ASXL1: variants seen among roughly 807,000 people sequenced by gnomAD.
ASXL1 encodes polycomb group protein ASXL1.
In ASXL1, 65 loss-of-function variants were observed where a neutral mutation model predicts 89.1. The ratio of observed to expected loss-of-function variants is 0.73; its 90% CI spans 0.60 to 0.90. ASXL1 has a LOEUF of 0.90. ASXL1 is among the 40% of genes least tolerant of loss of function. The pLI is 0.00. For synonymous variants in ASXL1, 739 were observed against 746.9 expected (o/e 0.99, Z 0.17); for missense variants, 1,786 against 1,942.9 (o/e 0.92, Z 1.52).
chr20:32,428,318 C>G lies in ASXL1; in HGVS notation c.374-7C>G. 1 of 1,614,194 alleles carries G rather than the reference C, an allele frequency of 6.2e-7. No individual in the cohort carries two copies. The highest frequency in any genetic ancestry group is 8.5e-7 in the Non-Finnish European group (1 of 1,180,032). Reference sequence around the variant, plus strand: ...TAGGGACTAACCTTTATTTTCCTCTCTTCCAGTATCTCTTGATGAAACATC... The same window carrying G: ...TAGGGACTAACCTTTATTTTCCTCTGTTCCAGTATCTCTTGATGAAACATC... On this transcript the variant is annotated splice_polypyrimidine_tract_variant and splice_region_variant and intron_variant, in intron 5 of 12. Coordinates refer to ENST00000375687, the MANE Select transcript of ASXL1 (RefSeq NM_015338.6).
intron 1 of ASXL1, chr20:32,359,823 A>G (rs2048080001): frequency 1.4e-6 from 1 of 717,732 alleles, no homozygotes; most frequent in Non-Finnish European, 2.6e-6. Flanking sequence ...TTACTCCCAC[A>G]AAGCTCAGAC....
chr20:32,431,547 A>G (rs768517429), intron 9 of ASXL1, 36 bp from the exon 10 acceptor site: 62 of 1,613,602 alleles, frequency 3.8e-5, no homozygotes, highest in Admixed American at 3.3e-4. Context: ...TTTTAAGTTT[A>G]TTTATTAGGA....
In ASXL1 at chr20:32,437,767, G is replaced by A; in HGVS notation, c.*429G>A. 1 of 286,152 alleles carries A rather than the reference G, an allele frequency of 3.5e-6. No homozygotes were observed. Among genetic ancestry groups the A allele is most frequent in the Non-Finnish European group, 6.6e-6 (1 of 150,554 alleles). The allele number at this position is 286,152 out of a possible 1,614,324, so 17.7% of individuals were successfully genotyped here. ...TGCCATCTTTTCTTCTGCTACTTTG[G>A]GGAGTTGATGGCCAGGAAAGAAGCC... On this transcript the variant is annotated 3_prime_UTR_variant, in exon 13 of 13. Transcript: ENST00000375687.
At chr20:32,372,980 TTGCCCAGGC>T (rs1410660817) in intron 4 of ASXL1, among the ~76,000 whole-genome samples, 4 of 150,734 alleles carry the variant, frequency 2.7e-5, no homozygotes, top group African/African-American at 9.8e-5. Context: ...TCTCGCTTTG[TTGCCCAGGC>T]TGGTCTTGAA....
Position 32,433,805 on chromosome 20 carries a change from C to T in ASXL1, c.1607C>T (p.Pro536Leu), listed in dbSNP as rs1247116484. The T allele has an allele frequency of 6.2e-7, 1 of 1,614,066 alleles. No homozygotes were observed. The highest frequency in any genetic ancestry group is 1.3e-5 in the African/African-American group (1 of 74,936). ...GAGCAGGCGGCCTCTGCATCCTTTCCCGAAAAGAAGCCCCGGCTTGAAGAT... is the reference window on the plus strand; with the variant it reads ...GAGCAGGCGGCCTCTGCATCCTTTCTCGAAAAGAAGCCCCGGCTTGAAGAT... ...SFEQAASASF[P>L]EKKPRLEDRQ... is the part of the protein sequence containing the mutation. Residue 536 changes from proline (P) to leucine (L), a missense_variant, in exon 12 of 13, where the codon CCC becomes CTC. Around this residue, in one of 3 missense-constraint regions of ASXL1, gnomAD observed 1,418 missense variants for 1,427.8 expected, o/e 0.99. Coordinates refer to ENST00000375687, the MANE Select transcript of ASXL1 (RefSeq NM_015338.6).
intron 4 of ASXL1, among the ~76,000 whole-genome samples, chr20:32,414,328 T>C (rs569510405): frequency 6.6e-6 from 1 of 152,062 alleles, no homozygotes; most frequent in East Asian, 1.9e-4. Context: ...TTTTAATCAG[T>C]TCTCTAGGAG....
chr20:32,380,111 A>G (rs1037774262), intron 4 of ASXL1, among the ~76,000 whole-genome samples: 4 of 151,648 alleles, frequency 2.6e-5, no homozygotes, highest in Non-Finnish European at 4.4e-5. Context: ...GTGAAACTCC[A>G]TCTCTACTAA....
chr20:32,425,650 T>G (rs2011255112), intron 4 of ASXL1, among the ~76,000 whole-genome samples: 1 of 152,134 alleles, frequency 6.6e-6, no homozygotes, highest in African/African-American at 2.4e-5. Flanking sequence ...AGTGCCTAAT[T>G]CACATCTTTT....
At chr20:32,373,402 C>G (rs1016375435) in intron 4 of ASXL1, among the ~76,000 whole-genome samples, 2 of 151,792 alleles carry the variant, frequency 1.3e-5, no homozygotes, top group African/African-American at 4.8e-5. Flanking sequence ...TGAAATTGTC[C>G]CTAGATTTGC....
intron 4 of ASXL1, among the ~76,000 whole-genome samples, chr20:32,375,130 C>T (rs534464119): frequency 6.6e-5 from 10 of 152,182 alleles, no homozygotes; most frequent in South Asian, 6.2e-4. Context: ...CATAAGCCAC[C>T]GTGCCCAGCC....
chr20:32,397,237 C>T (rs1323976895), intron 4 of ASXL1, among the ~76,000 whole-genome samples: 2 of 47,966 alleles, frequency 4.2e-5, no homozygotes, highest in African/African-American at 1.6e-4. Flanking sequence ...GTGGGGTGAG[C>T]GACCATGCCT....
intron 1 of ASXL1, among the ~76,000 whole-genome samples, chr20:32,364,258 C>T (rs988795792): frequency 6.6e-6 from 1 of 152,158 alleles, no homozygotes; most frequent in Non-Finnish European, 1.5e-5. Flanking sequence ...CTCTGTCACC[C>T]TGGCTGAAGT....
chr20:32,366,470 T>C lies in ASXL1; in HGVS notation c.140+4T>C. ...CAGAAGGACTAAAGGAAATGAGGTT[T>C]GTATTGTTCTTGTTGCTTAACATGA... On this transcript the variant is annotated splice_donor_region_variant and intron_variant, in intron 2 of 12. Coordinates refer to ENST00000375687, the MANE Select transcript of ASXL1 (RefSeq NM_015338.6). The C allele has an allele frequency of 6.2e-7, 1 of 1,613,716 alleles. No homozygotes were observed. The highest frequency in any genetic ancestry group is 1.1e-5 in the South Asian group (1 of 91,070).
chr20:32,438,888 G>A lies in ASXL1; in HGVS notation c.*1550G>A. The A allele has an allele frequency of 4.3e-6, 1 of 233,522 alleles. No individual in the cohort carries two copies. The highest frequency in any genetic ancestry group is 8.5e-6 in the Non-Finnish European group (1 of 118,078). The allele number at this position is 233,522 out of a possible 1,614,324, so 14.5% of individuals were successfully genotyped here. On this transcript the variant is annotated 3_prime_UTR_variant, in exon 13 of 13. Coordinates refer to ENST00000375687, the MANE Select transcript of ASXL1 (RefSeq NM_015338.6). ...TTCCAGCAAGTAGATGCCCCTGTGT[G>A]TGTTTTCCCTTGCCTTGTTTCCTGC... is the stretch of plus-strand genomic sequence containing the variant.
In ASXL1 at chr20:32,433,738, A is replaced by G. The variant is rs2011615640; in HGVS notation, c.1540A>G (p.Thr514Ala). The change falls in exon 12 of 13, where the codon ACT (threonine) becomes GCT (alanine). Residue 514 changes from threonine to alanine, a missense_variant. Physicochemically the swap from Thr to Ala is moderately conservative, Grantham distance 58. This residue lies in a region of ASXL1 where 1,418 missense variants were observed against 1,427.8 expected (regional missense o/e 0.99). Coordinates refer to ENST00000375687, the MANE Select transcript of ASXL1 (RefSeq NM_015338.6). The part of the protein sequence containing the change: ...PDRIPSLPQE[T>A]VDQEPKDQKR... ...CAGAATTCCTAGCCTGCCTCAGGAAACTGTGGATCAGGAACCCAAGGATCA... is the reference window on the plus strand; with the variant it reads ...CAGAATTCCTAGCCTGCCTCAGGAAGCTGTGGATCAGGAACCCAAGGATCA... The G allele has an allele frequency of 6.2e-7, 1 of 1,613,832 alleles. No homozygotes were observed. The highest frequency in any genetic ancestry group is 1.1e-5 in the South Asian group (1 of 91,084).
intron 4 of ASXL1, chr20:32,427,075 G>T (rs1001598143): frequency 3.3e-5 from 5 of 152,004 alleles, no homozygotes. Context: ...CTCCTCCTCT[G>T]CCCCAACTTA....
At chr20:32,373,740 G>A (rs558595482) in intron 4 of ASXL1, among the ~76,000 whole-genome samples, 1 of 151,964 alleles carries the variant, frequency 6.6e-6, no homozygotes, top group African/African-American at 2.4e-5. Context: ...GGTGGTGGGT[G>A]CCTGTAATTC....
chr20:32,391,216 A>G (rs562318996), intron 4 of ASXL1, among the ~76,000 whole-genome samples: 2 of 152,226 alleles, frequency 1.3e-5, no homozygotes, highest in South Asian at 2.1e-4. Flanking sequence ...ATATTGCAGG[A>G]TAGTATCTCA....
At chr20:32,359,187 CG>C in intron 1 of ASXL1, 1 of 693,186 alleles carries the variant, frequency 1.4e-6, no homozygotes, top group Non-Finnish European at 2.6e-6. Flanking sequence ...TTCATTCACC[CG>C]GGGGAGTTGG....
Sources: allele counts gnomAD v4.1 joint callset (sites outside exome capture counted in the v4.1 genomes callset), GRCh38; gene constraint gnomAD v4.1.1; regional missense constraint gnomAD v4.1.1; transcripts MANE v1.5; gene names NCBI Gene and HGNC (gene_info 2026-07-23, HGNC 2026-07-21).